The following CCNA1 variants were observed in gnomAD, a reference collection of about 807,000 sequenced individuals.
CCNA1 encodes cyclin A1, also known as cyclin-A1.
A neutral mutation model predicts 54.1 loss-of-function variants in CCNA1; 23 were observed. The observed-to-expected ratio is 0.42, with a 90% CI of 0.31 to 0.60. The LOEUF (loss-of-function observed/expected upper bound fraction) is 0.60. Ranked by LOEUF, CCNA1 falls within the 20% of genes least tolerant of loss-of-function variation. The pLI is 0.14. For synonymous variants in CCNA1, 208 were observed against 213.9 expected, an observed-to-expected ratio of 0.97 and a Z score of 0.24; for missense variants, 450 against 556.7, an observed-to-expected ratio of 0.81 and a Z score of 1.93.
chr13:36,433,088 T>C lies in CCNA1; in HGVS notation c.164T>C (p.Val55Ala). The C allele has an allele frequency of 6.2e-7, 1 of 1,614,198 alleles. No homozygotes were observed. Among genetic ancestry groups the C allele is most frequent in the Non-Finnish European group, 8.5e-7 (1 of 1,180,022 alleles). ...TGCAGCAACCCCAAGAGTGGAGTTG[T>C]GCTGGCTACAGTGGCCCGAGGTCCC... is the stretch of plus-strand genomic sequence containing the variant. The change falls in exon 2 of 9, where the codon GTG becomes GCG. Residue 55 changes from valine (V) to alanine (A), a missense_variant. Transcript: ENST00000255465.
At chr13:36,433,784 G>C (rs1248352514) in intron 2 of CCNA1, among the ~76,000 whole-genome samples, 5 of 151,948 alleles carry the variant, frequency 3.3e-5, no homozygotes, top group African/African-American at 1.2e-4. Context: ...CAGGTGACCC[G>C]CCCACCTCGG....
intron 4 of CCNA1, 84 bp from the exon 5 acceptor site, chr13:36,438,560 G>T: frequency 1.1e-6 from 1 of 935,368 alleles, no homozygotes; most frequent in Non-Finnish European, 1.7e-6. Context: ...ACCTTTGCTT[G>T]TGAGATTTTT....
rs74325762 is a variant in CCNA1 at position 36,436,198 on chromosome 13, C to T, written c.298-1431C>T. Among the ~76,000 whole-genome samples the T allele has an allele frequency of 8.3e-3, 1,265 of 152,254 alleles. 7 individuals are homozygous for T. The highest frequency in any genetic ancestry group is 0.017 in the Middle Eastern group (5 of 294). On this transcript the variant is annotated intron_variant, in intron 2 of 8. Coordinates refer to ENST00000255465, the MANE Select transcript of CCNA1 (RefSeq NM_003914.4). The stretch of plus-strand genomic sequence containing the variant: ...TCCTTTGCCCAAAATTCCAGTGGCT[C>T]CTGTCTCTGAATAAAAGCCAATTCT...
At position 36,432,632 on chromosome 13, in the gene CCNA1, G is replaced by C; in HGVS notation, c.11G>C (p.Gly4Ala). The C allele has an allele frequency of 1.3e-6, 2 of 1,594,534 alleles. No homozygotes were observed. The highest frequency in any genetic ancestry group is 1.7e-6 in the Non-Finnish European group (2 of 1,171,350). The change falls in exon 1 of 9, where the codon GGC becomes GCC. Residue 4 changes from glycine to alanine, a missense_variant. This residue lies in a region of CCNA1 where 103 missense variants were observed against 100.9 expected (regional missense o/e 1.02). Transcript: ENST00000255465. The stretch of plus-strand genomic sequence containing the variant: ...TGCTCGTCACTTGGGATGGAGACCG[G>C]CTTTCCCGCAATCATGTACCCTGGA...
At chr13:36,437,542 C>A in intron 2 of CCNA1, 87 bp from the exon 3 acceptor site, 1 of 1,288,198 alleles carries the variant, frequency 7.8e-7, no homozygotes. Flanking sequence ...TCTTACCTTC[C>A]CAGGCTGTTG....
chr13:36,438,054 T>G lies in CCNA1; in HGVS notation c.545-13T>G, dbSNP rs758740150. The G allele has an allele frequency of 1.4e-5, 23 of 1,610,914 alleles. No individual in the cohort carries two copies. Among genetic ancestry groups the G allele is most frequent in the Non-Finnish European group, 1.7e-5 (20 of 1,178,928 alleles). Reference sequence around the variant, plus strand: ...AATTAAATGAGTTATCTGACAGTGTTGAACTCTTGCAGTTTCCCCTATGCT... The same window carrying G: ...AATTAAATGAGTTATCTGACAGTGTGGAACTCTTGCAGTTTCCCCTATGCT... On this transcript the variant is annotated splice_polypyrimidine_tract_variant and intron_variant, in intron 3 of 8. Transcript: ENST00000255465.
In CCNA1 at chr13:36,442,305, G is replaced by T. The variant is rs2055885273; in HGVS notation, c.1346+1G>T. ...TTAGGGAGAAGTACAAGGCTTCAAA[G>T]TAAGTCACTGACATTTTCATATCTT... On this transcript the variant is annotated splice_donor_variant, in intron 8 of 8. Coordinates refer to ENST00000255465, the MANE Select transcript of CCNA1 (RefSeq NM_003914.4). LOFTEE classifies it high-confidence loss of function. 6.2e-7 allele frequency: 1 copy of T among 1,613,328 alleles called. No homozygotes were observed. The highest frequency in any genetic ancestry group is 1.3e-5 in the African/African-American group (1 of 74,902).
At chr13:36,442,449 A>T in intron 8 of CCNA1, 145 bp downstream of exon 8, 1 of 1,120,084 alleles carries the variant, frequency 8.9e-7, no homozygotes, top group Non-Finnish European at 1.3e-6. Flanking sequence ...TTACAAATAA[A>T]TTTGAAAAGA....
intron 7 of CCNA1, 57 bp from the exon 8 acceptor site, chr13:36,442,114 C>T (rs2055882265): frequency 2.1e-6 from 3 of 1,426,496 alleles, no homozygotes; most frequent in African/African-American, 1.4e-5. Context: ...AATTGGTTAT[C>T]TTCGGATATC....
rs1286984450 is a variant in CCNA1 at position 36,437,859 on chromosome 13, G to A, written c.528G>A (p.Leu176=). The stretch of plus-strand genomic sequence containing the variant: ...CACTCAAGTCAGACCTGCACTTCCT[G>A]CTGGATTTCAACACAGGTAACTGAC... Residue 176 remains leucine (L), a synonymous_variant, in exon 3 of 9, where the codon CTG becomes CTA. Transcript: ENST00000255465. 1 of 1,613,550 alleles carries A rather than the reference G, an allele frequency of 6.2e-7. No individual in the cohort carries two copies. Among genetic ancestry groups the A allele is most frequent in the Non-Finnish European group, 8.5e-7 (1 of 1,179,736 alleles).
chr13:36,431,547 C>T (rs1295099348), upstream of CCNA1: 2 of 152,272 alleles, frequency 1.3e-5, no homozygotes, highest in Non-Finnish European at 2.9e-5. Context: ...GGGCCGGCTT[C>T]ACGCAGTTGC....
Position 36,433,211 on chromosome 13 carries a change from C to T in CCNA1, c.287C>T (p.Thr96Ile). 6.2e-7 allele frequency: 1 copy of T among 1,611,490 alleles called. No individual in the cohort carries two copies. ...ACTGCAAATGGGCAGTACAGGAGGA[C>T]CTGTGGCCAGGTAATGACTCAGACG... The change falls in exon 2 of 9, where the codon ACC becomes ATC. Residue 96 changes from threonine to isoleucine, a missense_variant. By Grantham distance (89) the Thr-to-Ile change is moderately conservative. Coordinates refer to ENST00000255465, the MANE Select transcript of CCNA1 (RefSeq NM_003914.4).
In CCNA1 at chr13:36,433,117, G is replaced by A. The variant is rs1369366700; in HGVS notation, c.193G>A (p.Ala65Thr). ...GGCTACAGTGGCCCGAGGTCCCGAT[G>A]CTTGTCAGATACTCACCAGAGCCCC... Residue 65 changes from alanine to threonine, a missense_variant, in exon 2 of 9, where the codon GCT (alanine) becomes ACT (threonine). By Grantham distance (58) the Ala-to-Thr change is moderately conservative. This residue lies in a region of CCNA1 where 103 missense variants were observed against 100.9 expected (regional missense o/e 1.02). Transcript: ENST00000255465. The A allele has an allele frequency of 2.5e-6, 4 of 1,614,080 alleles. No homozygotes were observed. Among genetic ancestry groups the A allele is most frequent in the Non-Finnish European group, 3.4e-6 (4 of 1,180,044 alleles).
At position 36,442,643 on chromosome 13, in the gene CCNA1, C is replaced by G. The variant is rs1406632914; in HGVS notation, c.1376C>G (p.Pro459Arg). Residue 459 changes from proline to arginine, a missense_variant, in exon 9 of 9, where the codon CCT becomes CGT. Physicochemically the swap from Pro to Arg is moderately radical, Grantham distance 103. Transcript: ENST00000255465. The stretch of plus-strand genomic sequence containing the variant: ...CTGTGTGTGTCCCTCATGGAGCCAC[C>G]TGCAGTTCTTCTTCTACAATAAGTT... 40 of 1,613,830 alleles carry G rather than the reference C, an allele frequency of 2.5e-5. No homozygotes were observed. Among genetic ancestry groups the G allele is most frequent in the Non-Finnish European group, 3.1e-5 (37 of 1,179,944 alleles).
In CCNA1 at chr13:36,440,105, A is replaced by G; in HGVS notation, c.1020A>G (p.Thr340=). 1 of 1,614,134 alleles carries G rather than the reference A, an allele frequency of 6.2e-7. No homozygotes were observed. Among genetic ancestry groups the G allele is most frequent in the Non-Finnish European group, 8.5e-7 (1 of 1,179,970 alleles). Residue 340 remains threonine (T), a synonymous_variant, in exon 6 of 9, where the codon ACA becomes ACG. Transcript: ENST00000255465. Reference sequence around the variant, plus strand: ...TGAAAGTTCTAGCTTTTGATCTGACAGTACCAACCACCAACCAGTTTCTCC... The same window carrying G: ...TGAAAGTTCTAGCTTTTGATCTGACGGTACCAACCACCAACCAGTTTCTCC...
intron 2 of CCNA1, among the ~76,000 whole-genome samples, chr13:36,436,344 T>C (rs1342759739): frequency 2.6e-5 from 4 of 152,232 alleles, no homozygotes; most frequent in Non-Finnish European, 5.9e-5. Flanking sequence ...ATGGCCTATA[T>C]GACTGTCTCA....
At chr13:36,437,908 G>A in intron 3 of CCNA1, 33 bp downstream of exon 3, 1 of 1,601,508 alleles carries the variant, frequency 6.2e-7, no homozygotes, top group Non-Finnish European at 8.5e-7. Flanking sequence ...ATGGCTGATG[G>A]TACCCTGTAT....
rs1555269892 is a variant in CCNA1 at position 36,433,394 on chromosome 13, C to CTTTCTTTA, written c.297+180_297+181insATTTCTTT. On this transcript the variant is annotated intron_variant, in intron 2 of 8. Coordinates refer to ENST00000255465, the MANE Select transcript of CCNA1 (RefSeq NM_003914.4). The stretch of plus-strand genomic sequence containing the variant: ...ATTTTCTTTCTTTCTTTCTTTCTTT[C>CTTTCTTTA]TTTCTTTCTTTCTTTCTTTCTTTCT... Among the ~76,000 whole-genome samples, 51 of 92,256 alleles carry CTTTCTTTA rather than the reference C, an allele frequency of 5.5e-4. 2 individuals are homozygous for CTTTCTTTA. Among genetic ancestry groups the CTTTCTTTA allele is most frequent in the African/African-American group, 2.4e-3 (50 of 20,922 alleles). 60.5% of individuals were successfully genotyped at this position (92,256 alleles called of 152,430 possible).
At position 36,433,104 on chromosome 13, in the gene CCNA1, C is replaced by T; in HGVS notation, c.180C>T (p.Ala60=). ...GTGGAGTTGTGCTGGCTACAGTGGC[C>T]CGAGGTCCCGATGCTTGTCAGATAC... The change falls in exon 2 of 9, where the codon GCC becomes GCT. Residue 60 remains alanine, a synonymous_variant. Coordinates refer to ENST00000255465, the MANE Select transcript of CCNA1 (RefSeq NM_003914.4). 6.2e-7 allele frequency: 1 copy of T among 1,614,172 alleles called. No homozygotes were observed. The highest frequency in any genetic ancestry group is 8.5e-7 in the Non-Finnish European group (1 of 1,180,032).
Sources: gnomAD v4.1 joint callset for allele counts (sites outside exome capture counted in the v4.1 genomes callset) on GRCh38, gnomAD v4.1.1 for gene constraint, gnomAD v4.1.1 regional missense constraint, MANE v1.5 for transcripts, NCBI Gene and HGNC (gene_info 2026-07-23, HGNC 2026-07-21) for gene names.